The following PTPRD variants were observed in gnomAD, a reference collection of about 807,000 sequenced individuals.
PTPRD encodes the protein protein tyrosine phosphatase receptor type D.
Under a neutral mutation model 214.5 loss-of-function variants are expected in PTPRD, and 34 were observed. The observed-to-expected ratio is 0.16, with a 90% CI of 0.12 to 0.21. PTPRD has a LOEUF of 0.21. Among genes scored for constraint, PTPRD ranks in the 10% least tolerant of loss-of-function variants. The probability of loss-of-function intolerance (pLI) is 1.00; values close to 1 mark genes in which losing one functional copy is unlikely to be tolerated. For synonymous variants in PTPRD, 1,128 were observed against 845.7 expected (o/e 1.33, Z -5.79); for missense variants, 2,545 against 2,398.7 (o/e 1.06, Z -1.27).
intron 9 of PTPRD, among the ~76,000 whole-genome samples, chr9:9,235,334 GA>G (rs953689326): frequency 1.3e-5 from 2 of 152,276 alleles, no homozygotes; most frequent in Admixed American, 6.5e-5. Flanking sequence ...TTTGGGTGGG[GA>G]CACAGCTACA....
intron 3 of PTPRD, among the ~76,000 whole-genome samples, chr9:10,127,858 C>T (rs1269300919): frequency 1.3e-5 from 2 of 152,134 alleles, no homozygotes; most frequent in African/African-American, 4.8e-5. Flanking sequence ...AATTCTGTTA[C>T]AGGTAGCCTT....
At chr9:9,076,099 C>T (rs1366688945) in intron 10 of PTPRD, among the ~76,000 whole-genome samples, 1 of 152,154 alleles carries the variant, frequency 6.6e-6, no homozygotes, top group East Asian at 1.9e-4. Flanking sequence ...TAGTGATCAC[C>T]ATTCTAACTG....
At chr9:9,869,742 A>T (rs1296150338) in intron 5 of PTPRD, among the ~76,000 whole-genome samples, 13 of 152,156 alleles carry the variant, frequency 8.5e-5, no homozygotes, top group African/African-American at 2.9e-4. Context: ...ACATTCTATA[A>T]ATTAGTAACA....
At chr9:8,374,083 C>T (rs1392519) in intron 39 of PTPRD, among the ~76,000 whole-genome samples, 47,482 of 150,316 alleles carry the variant, frequency 0.32, 10,070 homozygotes, top group African/African-American at 0.56. Context: ...TTTTTGTTCC[C>T]ATTATTTTAA....
At chr9:9,867,348 T>A (rs1375670078) in intron 5 of PTPRD, among the ~76,000 whole-genome samples, 1 of 152,178 alleles carries the variant, frequency 6.6e-6, no homozygotes, top group African/African-American at 2.4e-5. Flanking sequence ...TCCTATTTAA[T>A]TATACCATAT....
At chr9:9,148,939 G>A (rs2099873179) in intron 10 of PTPRD, among the ~76,000 whole-genome samples, 1 of 152,212 alleles carries the variant, frequency 6.6e-6, no homozygotes, top group Admixed American at 6.5e-5. Context: ...GAGAGGTATG[G>A]TCTTAGTAGG....
intron 4 of PTPRD, among the ~76,000 whole-genome samples, chr9:9,941,762 A>G (rs1309015691): frequency 2.0e-5 from 3 of 152,304 alleles, no homozygotes; most frequent in South Asian, 4.1e-4. Flanking sequence ...AAGAGGTCCC[A>G]AAGGAAACTC....
At chr9:9,994,588 A>G (rs59257691) in intron 4 of PTPRD, among the ~76,000 whole-genome samples, 3,945 of 152,276 alleles carry the variant, frequency 0.026, 188 homozygotes, top group African/African-American at 0.09. Flanking sequence ...CAAAAAGAAC[A>G]AAACCTAAAA....
At chr9:9,319,474 A>C (rs1965275600) in intron 9 of PTPRD, among the ~76,000 whole-genome samples, 1 of 152,228 alleles carries the variant, frequency 6.6e-6, no homozygotes, top group South Asian at 2.1e-4. Context: ...TTTTGTGCCA[A>C]AGTGACACAG....
intron 37 of PTPRD, among the ~76,000 whole-genome samples, chr9:8,377,296 AAG>A (rs1038763052): frequency 2.6e-5 from 4 of 152,098 alleles, no homozygotes; most frequent in African/African-American, 9.7e-5. Context: ...CTGCAGGAAA[AAG>A]AGTTGTCTGT....
chr9:8,727,583 G>T (rs1044497687), intron 12 of PTPRD, among the ~76,000 whole-genome samples: 9 of 152,138 alleles, frequency 5.9e-5, no homozygotes, highest in Non-Finnish European at 8.8e-5. Context: ...TATACTAAAG[G>T]GACTCTAACC....
At chr9:9,106,612 CAAAAAAAAAAAAA>C (rs5896301) in intron 10 of PTPRD, among the ~76,000 whole-genome samples, 2 of 71,632 alleles carry the variant, frequency 2.8e-5, no homozygotes, top group Non-Finnish European at 5.0e-5. Context: ...ATTCCATAGG[CAAAAAAAAAAAAA>C]AAAAAAAAAA....
At chr9:9,824,448 T>C (rs1286551805) in intron 5 of PTPRD, among the ~76,000 whole-genome samples, 1 of 152,088 alleles carries the variant, frequency 6.6e-6, no homozygotes, top group African/African-American at 2.4e-5. Flanking sequence ...ATTTGCTTAA[T>C]GCTTTGTGTG....
At chr9:9,505,316 C>T (rs964569341) in intron 8 of PTPRD, among the ~76,000 whole-genome samples, 1 of 151,524 alleles carries the variant, frequency 6.6e-6, no homozygotes, top group Non-Finnish European at 1.5e-5. Context: ...TAGATCATTT[C>T]ATATCGTCAC....
intron 10 of PTPRD, among the ~76,000 whole-genome samples, chr9:9,152,252 G>A (rs140811593): frequency 6.6e-6 from 1 of 152,266 alleles, no homozygotes; most frequent in Admixed American, 6.5e-5. Flanking sequence ...CATCTGATTT[G>A]AATGCACATG....
In PTPRD at chr9:10,305,243, T is replaced by C. The variant is rs149658263; in HGVS notation, c.-545+35720A>G. Reference sequence around the variant, plus strand: ...AACTGGATCCCTTGCTTACACCTTATAGCAAAATTAACTCAAGATGGATTA... The same window carrying C: ...AACTGGATCCCTTGCTTACACCTTACAGCAAAATTAACTCAAGATGGATTA... On this transcript the variant is annotated intron_variant, in intron 3 of 45. Coordinates refer to ENST00000381196, the MANE Select transcript of PTPRD (RefSeq NM_002839.4). 5.2e-3 allele frequency among the ~76,000 whole-genome samples: 795 copies of C among 152,140 alleles called. 8 individuals carry two copies. Among genetic ancestry groups the C allele is most frequent in the African/African-American group, 0.018 (750 of 41,516 alleles).
rs1368297260 is a variant in PTPRD, at chr9:10,394,069, T to TAG, written c.-599-53053_-599-53052insCT. 7.8e-4 allele frequency among the ~76,000 whole-genome samples: 112 copies of TAG among 144,228 alleles called. 1 individual carries two copies. Among genetic ancestry groups the TAG allele is most frequent in the African/African-American group, 2.6e-3 (101 of 39,038 alleles). The allele number at this position is 144,228 out of a possible 152,430, so 94.6% of individuals were successfully genotyped here. A position where few individuals can be genotyped will look rare whatever the true frequency, so the allele number is the denominator to read the frequency against. ...CATATATACATATTATATATATATATATATATAGAGAGAGAAACATATCTA... is the reference window on the plus strand; with the variant it reads ...CATATATACATATTATATATATATATAGATATATAGAGAGAGAAACATATCTA... On this transcript the variant is annotated intron_variant, in intron 2 of 45. Coordinates refer to ENST00000381196, the MANE Select transcript of PTPRD (RefSeq NM_002839.4).
intron 39 of PTPRD, among the ~76,000 whole-genome samples, chr9:8,348,344 G>A (rs2074442472): frequency 6.6e-6 from 1 of 152,068 alleles, no homozygotes; most frequent in African/African-American, 2.4e-5. Flanking sequence ...TATAAGATAT[G>A]CATGGATGCC....
intron 7 of PTPRD, among the ~76,000 whole-genome samples, chr9:9,601,737 G>T (rs541605519): frequency 1.3e-5 from 2 of 152,136 alleles, no homozygotes; most frequent in Admixed American, 1.3e-4. Flanking sequence ...GAATAGAAAA[G>T]GTTAAGATCA....
Sources: allele counts gnomAD v4.1 joint callset (sites outside exome capture counted in the v4.1 genomes callset), GRCh38; gene constraint gnomAD v4.1.1; transcripts MANE v1.5; gene names NCBI Gene and HGNC (gene_info 2026-07-23, HGNC 2026-07-21).